Variants in ARMC10 observed in about 807,000 individuals in gnomAD.
ARMC10 encodes the protein armadillo repeat containing 10, also known as armadillo repeat-containing protein 10.
In ARMC10, 23 loss-of-function variants were observed where a neutral mutation model predicts 30.2. That is an observed-to-expected ratio of 0.76 (90% CI 0.55 to 1.08). The LOEUF (loss-of-function observed/expected upper bound fraction) is 1.08, where lower values mean the gene tolerates loss of function less well. Among genes scored for constraint, ARMC10 ranks in the 50% least tolerant of loss-of-function variants. The probability of loss-of-function intolerance (pLI) is 0.00; values close to 1 mark genes in which losing one functional copy is unlikely to be tolerated. For missense variants in ARMC10, 303 were observed against 413.7 expected (o/e 0.73, Z 2.32); for synonymous variants, 111 against 164.4 (o/e 0.68, Z 2.48).
At chr7:103,087,818 G>A in intron 4 of ARMC10, 1 of 983,008 alleles carries the variant, frequency 1.0e-6, no homozygotes, top group South Asian at 4.7e-5. Flanking sequence ...GAAGTGATGA[G>A]AGGCAAGTAC....
chr7:103,084,100 T>A, intron 3 of ARMC10: 1 of 1,317,284 alleles, frequency 7.6e-7, no homozygotes, highest in Non-Finnish European at 1.0e-6. Context: ...TTTCATGGCC[T>A]TTTAAATTAT....
At position 103,079,478 on chromosome 7, in the gene ARMC10, G is replaced by A. The variant is rs1388752155; in HGVS notation, c.244+3597G>A. Among the ~76,000 whole-genome samples, 9 of 152,334 alleles carry A rather than the reference G, an allele frequency of 5.9e-5. No homozygotes were observed. In the East Asian group the frequency reaches 1.3e-3, roughly 23 times the overall value. ...TATTTAATAGACACACTAGTTAGTA[G>A]CATCCTTATCAAACTCAAGAACAAG... On this transcript the variant is annotated intron_variant, in intron 2 of 6. Transcript: ENST00000323716.
chr7:103,091,804 A>G (rs1801360138), intron 4 of ARMC10, among the ~76,000 whole-genome samples: 1 of 152,166 alleles, frequency 6.6e-6, no homozygotes, highest in Admixed American at 6.5e-5. Context: ...TAACAGCATG[A>G]TCTCTGGGCT....
At chr7:103,075,672 C>T in intron 1 of ARMC10, 105 bp from the exon 2 acceptor site, 1 of 955,878 alleles carries the variant, frequency 1.0e-6, no homozygotes, top group Non-Finnish European at 1.5e-6. Flanking sequence ...TTGATGGCCT[C>T]TCATTTTAAA....
Position 103,078,872 on chromosome 7 carries a change from G to A in ARMC10, c.244+2991G>A, listed in dbSNP as rs577760476. Among the ~76,000 whole-genome samples the A allele has an allele frequency of 8.5e-5, 13 of 152,214 alleles. No homozygotes were observed. The South Asian group carries it at 2.7e-3, about 32-fold the overall frequency. ...AAAAATAGAAAAATTAGCCAGGCAT[G>A]GTAGTGTGCACTTGTAGTCCCAGCT... On this transcript the variant is annotated intron_variant, in intron 2 of 6. Transcript: ENST00000323716.
chr7:103,084,823 C>G (rs1800692570), intron 3 of ARMC10, among the ~76,000 whole-genome samples: 2 of 152,180 alleles, frequency 1.3e-5, no homozygotes, highest in South Asian at 4.1e-4. Flanking sequence ...AGCTCATTAT[C>G]CAAAAGGTAC....
At chr7:103,097,877 C>T (rs1801886624) in intron 6 of ARMC10, among the ~76,000 whole-genome samples, 1 of 152,212 alleles carries the variant, frequency 6.6e-6, no homozygotes, top group East Asian at 1.9e-4. Context: ...GAGGAACCAT[C>T]GTATTCATCT....
chr7:103,075,175 G>C lies in ARMC10; in HGVS notation c.-98G>C. 2.3e-6 allele frequency: 2 copies of C among 884,420 alleles called. No individual in the cohort carries two copies. Among genetic ancestry groups the C allele is most frequent in the Non-Finnish European group, 2.8e-6 (2 of 708,650 alleles). The allele number at this position is 884,420 out of a possible 1,614,324, so 54.8% of individuals were successfully genotyped here. A position where few individuals can be genotyped will look rare whatever the true frequency, so the allele number is the denominator to read the frequency against. On this transcript the variant is annotated 5_prime_UTR_variant, in exon 1 of 7. Transcript: ENST00000323716. ...TCCACATCCAGGTCAGGTGGCGTTT[G>C]CTGTGGCGGCTAGGCCCGCGTGCGC...
At chr7:103,093,885 A>C (rs1354730526) in intron 5 of ARMC10, among the ~76,000 whole-genome samples, 1 of 152,182 alleles carries the variant, frequency 6.6e-6, no homozygotes, top group Non-Finnish European at 1.5e-5. Context: ...GATGACCCAG[A>C]CCACAATAGT....
intron 5 of ARMC10, chr7:103,095,817 A>C (rs938650446): frequency 1.3e-5 from 2 of 152,202 alleles, no homozygotes; most frequent in African/African-American, 4.8e-5. Flanking sequence ...CATCATTCTC[A>C]GTAAACTATC....
At chr7:103,080,009 T>C (rs1800235832) in intron 2 of ARMC10, among the ~76,000 whole-genome samples, 1 of 152,188 alleles carries the variant, frequency 6.6e-6, no homozygotes, top group Admixed American at 6.5e-5. Context: ...TTCATTCCCT[T>C]TGAGAATTCT....
chr7:103,079,272 CAT>C (rs1368628616), intron 2 of ARMC10, among the ~76,000 whole-genome samples: 1 of 151,954 alleles, frequency 6.6e-6, no homozygotes, highest in Non-Finnish European at 1.5e-5. Flanking sequence ...GGAAAAGCCA[CAT>C]GATGACCTCA....
chr7:103,088,899 T>C (rs1801079137), intron 4 of ARMC10: 2 of 153,198 alleles, frequency 1.3e-5, no homozygotes, highest in East Asian at 1.9e-4. Flanking sequence ...TTTATTTCAA[T>C]GGTACCACTG....
chr7:103,079,420 A>G (rs1245306224), intron 2 of ARMC10, among the ~76,000 whole-genome samples: 2 of 152,262 alleles, frequency 1.3e-5, no homozygotes, highest in East Asian at 1.9e-4. Context: ...AAGTTGATCA[A>G]GTACATCCAT....
chr7:103,089,139 CT>C (rs1801098132), intron 4 of ARMC10: 1 of 216,728 alleles, frequency 4.6e-6, no homozygotes, highest in African/African-American at 2.3e-5. Flanking sequence ...GACATAAACT[CT>C]AGCAATTTGG....
intron 2 of ARMC10, among the ~76,000 whole-genome samples, chr7:103,076,461 C>T (rs1299600253): frequency 1.3e-5 from 2 of 152,146 alleles, no homozygotes; most frequent in Admixed American, 1.3e-4. Context: ...TCAAAGAGTA[C>T]GCTTTCGAAC....
intron 6 of ARMC10, 38 bp downstream of exon 6, chr7:103,097,386 TATATAC>T (rs1801843583): frequency 2.2e-6 from 3 of 1,391,442 alleles, no homozygotes; most frequent in Non-Finnish European, 3.0e-6. Flanking sequence ...AATATACACA[TATATAC>T]ATTTGAACAG....
intron 5 of ARMC10, among the ~76,000 whole-genome samples, chr7:103,093,455 T>G (rs1468625260): frequency 6.6e-6 from 1 of 152,228 alleles, no homozygotes; most frequent in African/African-American, 2.4e-5. Context: ...TAGTCCTGCT[T>G]TTATGTTTCC....
Position 103,087,725 on chromosome 7 carries a change from G to A in ARMC10, c.528+961G>A, listed in dbSNP as rs2129523003. The A allele has an allele frequency of 7.2e-6, 7 of 967,464 alleles. No individual in the cohort carries two copies. The South Asian group carries it at 2.9e-4, about 40-fold the overall frequency. 59.9% of individuals were successfully genotyped at this position (967,464 alleles called of 1,614,324 possible). Reference sequence around the variant, plus strand: ...GAATATAATGTTGATGGCAAGATTTGTAAGAGGTAATCTCTGTATTTAGTT... The same window carrying A: ...GAATATAATGTTGATGGCAAGATTTATAAGAGGTAATCTCTGTATTTAGTT... On this transcript the variant is annotated intron_variant, in intron 4 of 6. Transcript: ENST00000323716.
Sources: gnomAD v4.1 joint callset for allele counts (sites outside exome capture counted in the v4.1 genomes callset) on GRCh38, gnomAD v4.1.1 for gene constraint, MANE v1.5 for transcripts, NCBI Gene and HGNC (gene_info 2026-07-23, HGNC 2026-07-21) for gene names.